Variants in ITGA9 observed in about 807,000 individuals in gnomAD.
The protein encoded by ITGA9 is integrin subunit alpha 9, also known as integrin alpha-9.
A neutral mutation model predicts 127.8 loss-of-function variants in ITGA9; 56 were observed. That is an observed-to-expected ratio of 0.44 (90% CI 0.35 to 0.55). The LOEUF is 0.55. Among genes scored for constraint, ITGA9 ranks in the 20% least tolerant of loss-of-function variants. The pLI is 0.00. For synonymous variants in ITGA9, 508 were observed against 514.5 expected (o/e 0.99, Z 0.17); for missense variants, 1,196 against 1,347.1 (o/e 0.89, Z 1.76).
rs773014833 is a variant in ITGA9, at chr3:37,505,956, C to T, written c.743-44C>T. 2.5e-5 allele frequency: 34 copies of T among 1,380,552 alleles called. No homozygotes were observed. In the East Asian group the frequency reaches 2.9e-4, roughly 12 times the overall value. 85.5% of individuals were successfully genotyped at this position (1,380,552 alleles called of 1,614,324 possible). The stretch of plus-strand genomic sequence containing the variant: ...TGATGGATGTTTTTTTTTCCCTTCC[C>T]TTCTTTTTCAACCGTGTGCTTGGTT... On this transcript the variant is annotated intron_variant, in intron 6 of 27. Coordinates refer to ENST00000264741, the MANE Select transcript of ITGA9 (RefSeq NM_002207.3).
intron 23 of ITGA9, among the ~76,000 whole-genome samples, chr3:37,774,100 T>C (rs1014513348): frequency 3.2e-4 from 48 of 152,250 alleles, no homozygotes; most frequent in African/African-American, 1.1e-3. Flanking sequence ...TGAAATTTGA[T>C]TGGCACACAC....
intron 23 of ITGA9, among the ~76,000 whole-genome samples, chr3:37,775,438 A>G (rs1696894934): frequency 6.6e-6 from 1 of 150,974 alleles, no homozygotes; most frequent in Non-Finnish European, 1.5e-5. Context: ...AGGTCAGGAG[A>G]TGGAGACCAT....
chr3:37,598,442 T>A (rs781313117), intron 15 of ITGA9, among the ~76,000 whole-genome samples: 5 of 152,040 alleles, frequency 3.3e-5, no homozygotes, highest in Non-Finnish European at 5.9e-5. Flanking sequence ...AGGGAGAGAT[T>A]TATTTTATTC....
intron 1 of ITGA9, among the ~76,000 whole-genome samples, chr3:37,466,602 A>C (rs1579043397): frequency 6.6e-6 from 1 of 151,952 alleles, no homozygotes; most frequent in African/African-American, 2.4e-5. Context: ...TACTGGCTCC[A>C]AATGAACATA....
intron 14 of ITGA9, among the ~76,000 whole-genome samples, chr3:37,537,857 T>C (rs192488317): frequency 4.7e-4 from 72 of 152,344 alleles, no homozygotes; most frequent in Non-Finnish European, 7.2e-4. Flanking sequence ...CACTTTAAAA[T>C]AGGAGTTCTT....
intron 23 of ITGA9, among the ~76,000 whole-genome samples, chr3:37,764,966 A>G (rs1351560070): frequency 6.6e-6 from 1 of 152,194 alleles, no homozygotes; most frequent in African/African-American, 2.4e-5. Context: ...TCTTCATAGC[A>G]CTTGTCACTA....
intron 23 of ITGA9, among the ~76,000 whole-genome samples, chr3:37,768,034 G>T (rs1292555266): frequency 1.3e-5 from 2 of 152,194 alleles, no homozygotes; most frequent in Non-Finnish European, 2.9e-5. Context: ...TCCACCCTTT[G>T]TAGGTTATCC....
rs540564369 is a variant in ITGA9 at position 37,809,627 on chromosome 3, A to T, written c.3009+5685A>T. Among the ~76,000 whole-genome samples, 40 of 151,390 alleles carry T rather than the reference A, an allele frequency of 2.6e-4. No homozygotes were observed. The South Asian group carries it at 2.9e-3, about 11-fold the overall frequency. Reference sequence around the variant, plus strand: ...GGAGGGGATTTCTTTAGGGAAAAAAATTTTTTTTTCTCAAAAGGCTAACTA... The same window carrying T: ...GGAGGGGATTTCTTTAGGGAAAAAATTTTTTTTTTCTCAAAAGGCTAACTA... On this transcript the variant is annotated intron_variant, in intron 27 of 27. Transcript: ENST00000264741.
At chr3:37,652,599 G>A (rs770024999) in intron 16 of ITGA9, among the ~76,000 whole-genome samples, 8 of 152,160 alleles carry the variant, frequency 5.3e-5, no homozygotes, top group Non-Finnish European at 1.2e-4. Context: ...TGGCCAGCAC[G>A]TTTGCTGGCG....
intron 24 of ITGA9, 119 bp from the exon 25 acceptor site, chr3:37,779,783 T>A: frequency 1.0e-6 from 1 of 959,374 alleles, no homozygotes; most frequent in Non-Finnish European, 1.7e-6. Context: ...TTCTTGTGGA[T>A]TTCCTCTGCC....
intron 26 of ITGA9, among the ~76,000 whole-genome samples, chr3:37,803,406 T>C (rs1429385746): frequency 6.6e-6 from 1 of 152,230 alleles, no homozygotes; most frequent in African/African-American, 2.4e-5. Context: ...TATTTATTAG[T>C]AACAACAGTC....
At chr3:37,699,363 A>G (rs1210189493) in intron 18 of ITGA9, among the ~76,000 whole-genome samples, 2 of 152,028 alleles carry the variant, frequency 1.3e-5, no homozygotes, top group African/African-American at 4.8e-5. Context: ...GATCCTCCTG[A>G]CACCTGTTCC....
chr3:37,702,610 C>G (rs1700959712), intron 18 of ITGA9, among the ~76,000 whole-genome samples: 1 of 151,986 alleles, frequency 6.6e-6, no homozygotes, highest in South Asian at 2.1e-4. Context: ...GGTGGCTGCT[C>G]TCTGGGGTTA....
At chr3:37,633,116 A>T (rs1256042185) in intron 16 of ITGA9, among the ~76,000 whole-genome samples, 1 of 152,256 alleles carries the variant, frequency 6.6e-6, no homozygotes, top group Non-Finnish European at 1.5e-5. Flanking sequence ...AGCCAAGTCT[A>T]TTGAGAAGAG....
At chr3:37,706,600 A>G (rs921177804) in intron 18 of ITGA9, among the ~76,000 whole-genome samples, 11 of 152,166 alleles carry the variant, frequency 7.2e-5, no homozygotes, top group African/African-American at 2.7e-4. Flanking sequence ...CCCAGCTCCA[A>G]TCCCAGGTTG....
intron 18 of ITGA9, among the ~76,000 whole-genome samples, chr3:37,706,097 A>G (rs532976537): frequency 2.5e-4 from 38 of 152,292 alleles, no homozygotes; most frequent in African/African-American, 9.1e-4. Flanking sequence ...ATGAAACCAG[A>G]GGAAGTTTGG....
In ITGA9 at chr3:37,703,479, A is replaced by C. The variant is rs575897157; in HGVS notation, c.2067+19464A>C. Among the ~76,000 whole-genome samples the C allele has an allele frequency of 2.0e-5, 3 of 152,356 alleles. No homozygotes were observed. In the East Asian group the frequency reaches 5.8e-4, roughly 29 times the overall value. ...TTTTGACCTATAAAAAAGGTCAATT[A>C]TATCTTAAAAGTTTCACCTTCTATT... is the stretch of plus-strand genomic sequence containing the variant. On this transcript the variant is annotated intron_variant, in intron 18 of 27. Coordinates refer to ENST00000264741, the MANE Select transcript of ITGA9 (RefSeq NM_002207.3).
At chr3:37,653,532 C>T (rs1455971608) in intron 16 of ITGA9, among the ~76,000 whole-genome samples, 182 bp from the exon 17 acceptor site, 1 of 152,168 alleles carries the variant, frequency 6.6e-6, no homozygotes, top group East Asian at 1.9e-4. Flanking sequence ...TTGACTTAGG[C>T]TTCCTTGGAG....
intron 1 of ITGA9, among the ~76,000 whole-genome samples, chr3:37,456,479 C>T (rs1698259123): frequency 6.6e-6 from 1 of 152,182 alleles, no homozygotes; most frequent in Non-Finnish European, 1.5e-5. Flanking sequence ...TAAATAAATG[C>T]TGCCTGGCTG....
Sources: gnomAD v4.1 joint callset for allele counts (sites outside exome capture counted in the v4.1 genomes callset) on GRCh38, gnomAD v4.1.1 for gene constraint, MANE v1.5 for transcripts, NCBI Gene and HGNC (gene_info 2026-07-23, HGNC 2026-07-21) for gene names.